ZSCAN25: variants seen among roughly 807,000 people sequenced by gnomAD.
ZSCAN25 encodes the protein zinc finger and SCAN domain-containing protein 25.
Under a neutral mutation model 38.7 loss-of-function variants are expected in ZSCAN25, and 27 were observed. That is an observed-to-expected ratio of 0.70 (90% confidence interval 0.51 to 0.96). The LOEUF is 0.96. Among genes scored for constraint, ZSCAN25 ranks in the 40% least tolerant of loss-of-function variants. ZSCAN25 has a pLI of 0.00. For missense variants in ZSCAN25, 637 were observed against 705.9 expected (o/e 0.90, Z 1.11); for synonymous variants, 273 against 277.7 (o/e 0.98, Z 0.17).
the ZSCAN25 span, among the ~76,000 whole-genome samples, chr7:99,692,374 T>G: frequency 6.6e-6 from 1 of 152,198 alleles, no homozygotes; most frequent in Non-Finnish European, 1.5e-5. Context: ...TTATGTGTCT[T>G]GGGGTTGCTC....
the ZSCAN25 span, chr7:99,714,639 G>A: frequency 6.2e-7 from 1 of 1,606,030 alleles, no homozygotes; most frequent in Non-Finnish European, 8.5e-7. Flanking sequence ...GAAACACAGT[G>A]ATATTTAATG....
the ZSCAN25 span, among the ~76,000 whole-genome samples, chr7:99,706,679 T>A: frequency 6.6e-6 from 1 of 152,382 alleles, no homozygotes; most frequent in African/African-American, 2.4e-5. Context: ...ATGAATATAT[T>A]TTCCCTGCAG....
At chr7:99,708,039 G>A in the ZSCAN25 span, 1 of 1,611,466 alleles carries the variant, frequency 6.2e-7, no homozygotes, top group Admixed American at 1.7e-5. Context: ...TTACATGTTA[G>A]GGTTTCTTAC....
the ZSCAN25 span, among the ~76,000 whole-genome samples, chr7:99,679,128 C>T: frequency 6.6e-6 from 1 of 152,132 alleles, no homozygotes; most frequent in African/African-American, 2.4e-5. Flanking sequence ...AATAAATCCT[C>T]GAAACTTCCT....
intron 6 of ZSCAN25, among the ~76,000 whole-genome samples, chr7:99,623,013 AG>A (rs1807127094): frequency 2.0e-5 from 3 of 152,132 alleles, no homozygotes; most frequent in African/African-American, 7.2e-5. Flanking sequence ...TCACCGTGTT[AG>A]CCAGGATGGT....
the ZSCAN25 span, among the ~76,000 whole-genome samples, chr7:99,669,460 T>C: frequency 0.017 from 2,601 of 152,314 alleles, 82 homozygotes; most frequent in African/African-American, 0.058. Context: ...AACCATTTAC[T>C]GATGGTGAGT....
the ZSCAN25 span, among the ~76,000 whole-genome samples, chr7:99,698,784 A>G: frequency 6.6e-6 from 1 of 152,186 alleles, no homozygotes; most frequent in Non-Finnish European, 1.5e-5. Flanking sequence ...TGCTGGAAAT[A>G]TTCCATCTCC....
At chr7:99,685,002 A>G in the ZSCAN25 span, 541 of 636,424 alleles carry the variant, frequency 8.5e-4, 1 homozygote, top group Middle Eastern at 2.4e-3. Context: ...GTGCATGTAC[A>G]GAATCCCTGG....
chr7:99,629,669 G>A lies in ZSCAN25; in HGVS notation c.1284G>A (p.Glu428=). The A allele has an allele frequency of 6.2e-7, 1 of 1,614,088 alleles. No individual in the cohort carries two copies. The highest frequency in any genetic ancestry group is 8.5e-7 in the Non-Finnish European group (1 of 1,180,040). The change falls in exon 8 of 8, where the codon GAG becomes GAA. Residue 428 remains glutamate (E), a synonymous_variant. Coordinates refer to ENST00000394152, the MANE Select transcript of ZSCAN25 (RefSeq NM_145115.3). This position sits in a 1 kb window ranked among gnomAD's most constrained non-coding sequence, Gnocchi z 5.6. ...TGCACCAGCGCAGCCACACTGGGGA[G>A]AAGCCCTACAAGTGCGGGGACTGCT... ...LEVHQRSHTG[E]KPYKCGDCWK... is the part of the protein sequence containing the mutation.
chr7:99,668,685 C>T, the ZSCAN25 span, among the ~76,000 whole-genome samples: 89 of 152,272 alleles, frequency 5.8e-4, 3 homozygotes, highest in Admixed American at 5.3e-3. Flanking sequence ...AGCGAGAGGA[C>T]GCTATTGCAG....
chr7:99,703,665 A>G, the ZSCAN25 span, among the ~76,000 whole-genome samples: 1 of 152,172 alleles, frequency 6.6e-6, no homozygotes, highest in Non-Finnish European at 1.5e-5. Flanking sequence ...TCCGTTCTTC[A>G]AAGATGAGAA....
downstream of ZSCAN25, chr7:99,632,443 C>A: frequency 4.1e-6 from 1 of 241,948 alleles, no homozygotes; most frequent in Non-Finnish European, 6.7e-6. Flanking sequence ...CCCCGTCTTC[C>A]TCCCCCACTG....
chr7:99,726,617 G>C, the ZSCAN25 span, among the ~76,000 whole-genome samples: 1 of 152,200 alleles, frequency 6.6e-6, no homozygotes, highest in East Asian at 1.9e-4. Flanking sequence ...AGCTTACCTG[G>C]GCTGTACTGC....
In ZSCAN25 at chr7:99,629,740, C is replaced by T. The variant is rs757239096; in HGVS notation, c.1355C>T (p.Thr452Met). ...CAGCACCTGCAGGTGCACCGGAGGA[C>T]GCACACCGGGGAGAAGCCCTACACC... The part of the protein sequence containing the change: ...RRQHLQVHRR[T>M]HTGEKPYTCE... Residue 452 changes from threonine (T) to methionine (M), a missense_variant, in exon 8 of 8, where the codon ACG becomes ATG. By Grantham distance (81) the Thr-to-Met change is moderately conservative. Coordinates refer to ENST00000394152, the MANE Select transcript of ZSCAN25 (RefSeq NM_145115.3). This position sits in a 1 kb window ranked among gnomAD's most constrained non-coding sequence, Gnocchi z 5.6. 8.1e-5 allele frequency: 131 copies of T among 1,613,920 alleles called. No individual in the cohort carries two copies. The highest frequency in any genetic ancestry group is 8.1e-5 in the Non-Finnish European group (96 of 1,180,006).
chr7:99,685,993 A>G, the ZSCAN25 span, among the ~76,000 whole-genome samples: 1 of 152,146 alleles, frequency 6.6e-6, no homozygotes, highest in Non-Finnish European at 1.5e-5. Context: ...CCACATCAAT[A>G]CACTTTCAAT....
intron 7 of ZSCAN25, among the ~76,000 whole-genome samples, chr7:99,625,177 G>T (rs951630939): frequency 1.3e-5 from 2 of 152,126 alleles, no homozygotes; most frequent in African/African-American, 4.8e-5. Flanking sequence ...CTCTGTTGTG[G>T]AATGGGGCTG....
chr7:99,723,350 T>G, the ZSCAN25 span, among the ~76,000 whole-genome samples: 1 of 152,196 alleles, frequency 6.6e-6, no homozygotes. Flanking sequence ...ATGAGTCTTA[T>G]GATCTCCCTA....
chr7:99,631,305 G>GT lies in ZSCAN25; in HGVS notation c.*1289dup, dbSNP rs1300660531. 1.0e-6 allele frequency: 1 copy of GT among 985,218 alleles called. No homozygotes were observed. Among genetic ancestry groups the GT allele is most frequent in the African/African-American group, 1.7e-5 (1 of 57,196 alleles). 61.0% of individuals were successfully genotyped at this position (985,218 alleles called of 1,614,324 possible). On this transcript the variant is annotated 3_prime_UTR_variant, in exon 8 of 8. Coordinates refer to ENST00000394152, the MANE Select transcript of ZSCAN25 (RefSeq NM_145115.3). ...GGGGATGATGAGCTGGTAGCGACCT[G>GT]TTTTGCATGAGTGCCAAGTCAGGAA...
In ZSCAN25 at chr7:99,626,950, C is replaced by T. The variant is rs574445938; in HGVS notation, c.806-2241C>T. Among the ~76,000 whole-genome samples, 17 of 152,320 alleles carry T rather than the reference C, an allele frequency of 1.1e-4. 1 individual carries two copies. In the South Asian group the frequency reaches 2.9e-3, roughly 26 times the overall value. On this transcript the variant is annotated intron_variant, in intron 7 of 7. Transcript: ENST00000394152. The stretch of plus-strand genomic sequence containing the variant: ...TTCTCTTCCACTACTGTGTCTTTCT[C>T]CCAGTGTCTCTGTTTATACTTAGGT...
Sources: gnomAD v4.1 joint callset for allele counts (sites outside exome capture counted in the v4.1 genomes callset) on GRCh38, gnomAD v4.1.1 for gene constraint, Gnocchi (gnomAD v3.1) non-coding constraint, MANE v1.5 for transcripts, NCBI Gene and HGNC (gene_info 2026-07-23, HGNC 2026-07-21) for gene names.